Variants in GRK7 observed in about 807,000 individuals in gnomAD.
GRK7 encodes the protein G protein-coupled receptor kinase 7.
GRK7 carries 24 observed loss-of-function variants against 34.1 expected under a neutral mutation model. The ratio of observed to expected loss-of-function variants is 0.70; its 90% CI spans 0.51 to 0.99. The LOEUF (loss-of-function observed/expected upper bound fraction) is 0.99, where lower values mean the gene tolerates loss of function less well. Ranked by LOEUF, GRK7 falls within the 50% of genes least tolerant of loss-of-function variation. The pLI is 0.00. For synonymous variants in GRK7, 256 were observed against 279.4 expected (o/e 0.92, Z 0.84); for missense variants, 644 against 707.3 (o/e 0.91, Z 1.02).
intron 4 of GRK7, 33 bp from the exon 5 acceptor site, chr3:141,807,612 G>T: frequency 1.3e-6 from 2 of 1,597,356 alleles, no homozygotes; most frequent in Non-Finnish European, 1.7e-6. Context: ...TCTTTGTTCT[G>T]TGTTGTCTTG....
At chr3:141,788,872 C>A (rs1413830455) in intron 4 of GRK7, among the ~76,000 whole-genome samples, 1 of 152,148 alleles carries the variant, frequency 6.6e-6, no homozygotes, top group Admixed American at 6.5e-5. Context: ...CTCATTCTGT[C>A]GCCCAGGCTG....
rs1051988672 is a variant in GRK7, at chr3:141,778,379, G to A, written c.95G>A (p.Arg32Gln). 3.1e-6 allele frequency: 5 copies of A among 1,611,410 alleles called. No individual in the cohort carries two copies. The highest frequency in any genetic ancestry group is 4.2e-6 in the Non-Finnish European group (5 of 1,178,720). Residue 32 changes from arginine to glutamine, a missense_variant, in exon 3 of 6, where the codon CGG becomes CAG. Arg to Gln is a conservative substitution (Grantham distance 43, BLOSUM62 1). Coordinates refer to ENST00000682958, the MANE Select transcript of GRK7 (RefSeq NM_139209.3). The surrounding 1 kb of genome is among the most constrained non-coding windows in gnomAD (Gnocchi z 4.1). ...PSDCDSKELQ[R>Q]RRRSLALPGL... is the part of the protein sequence containing the mutation. ...GACTGCGACAGCAAAGAGCTGCAGC[G>A]GCGGCGGCGTAGCCTGGCCCTGCCC...
chr3:141,803,788 C>T (rs903379070), intron 4 of GRK7, among the ~76,000 whole-genome samples: 3 of 152,198 alleles, frequency 2.0e-5, no homozygotes, highest in Admixed American at 2.0e-4. Context: ...ATGGCACCAT[C>T]TCGGCTCACT....
At chr3:141,797,657 C>T (rs1378714427) in intron 4 of GRK7, among the ~76,000 whole-genome samples, 1 of 152,072 alleles carries the variant, frequency 6.6e-6, no homozygotes, top group Non-Finnish European at 1.5e-5. Flanking sequence ...AAGAGGCATC[C>T]GCGGGCGATT....
the GRK7 span, among the ~76,000 whole-genome samples, chr3:141,752,183 C>T: frequency 6.6e-5 from 10 of 152,262 alleles, no homozygotes; most frequent in South Asian, 2.1e-3. Context: ...GACATAGTTT[C>T]CCATTCTTTA....
intron 4 of GRK7, among the ~76,000 whole-genome samples, chr3:141,797,961 G>A (rs943721246): frequency 6.6e-6 from 1 of 152,144 alleles, no homozygotes; most frequent in Admixed American, 6.5e-5. Flanking sequence ...TCCACCAGAA[G>A]CCCCTCCATG....
intron 4 of GRK7, among the ~76,000 whole-genome samples, chr3:141,781,626 A>G (rs753774932): frequency 3.3e-5 from 5 of 152,182 alleles, no homozygotes; most frequent in South Asian, 2.1e-4. Context: ...AGAACATTAA[A>G]AGTAAAATAT....
At chr3:141,766,122 T>C (rs1332842643) in intron 1 of GRK7, among the ~76,000 whole-genome samples, 2 of 149,870 alleles carry the variant, frequency 1.3e-5, no homozygotes, top group African/African-American at 4.9e-5. Flanking sequence ...TAACTCCCTC[T>C]ACCCCACCAG....
the GRK7 span, among the ~76,000 whole-genome samples, chr3:141,754,009 A>C: frequency 6.6e-6 from 1 of 152,226 alleles, no homozygotes; most frequent in Non-Finnish European, 1.5e-5. Context: ...TATGTCTTTG[A>C]TAAAGCCAGG....
intron 3 of GRK7, 40 bp from the exon 4 acceptor site, chr3:141,780,334 C>A: frequency 6.4e-7 from 1 of 1,552,558 alleles, no homozygotes; most frequent in Non-Finnish European, 8.8e-7. Flanking sequence ...GCAGTACCAT[C>A]TACTTCTACC....
chr3:141,760,081 ATT>A (rs1171013063), upstream of GRK7, among the ~76,000 whole-genome samples: 2 of 149,398 alleles, frequency 1.3e-5, no homozygotes, highest in African/African-American at 5.0e-5. Context: ...CGGTCTATCA[ATT>A]TTGTTGATCC....
Position 141,793,227 on chromosome 3 carries a change from C to A in GRK7, c.1050+12416C>A, listed in dbSNP as rs529584833. ...AGAGGTTTGTGGGGACCTCAATTTA[C>A]AGCTGGTGGGTCAGAAGTTTTGAAG... On this transcript the variant is annotated intron_variant, in intron 4 of 5. Coordinates refer to ENST00000682958, the MANE Select transcript of GRK7 (RefSeq NM_139209.3). Among the ~76,000 whole-genome samples the A allele has an allele frequency of 5.3e-5, 8 of 152,334 alleles. No individual in the cohort carries two copies. In the East Asian group the frequency reaches 1.5e-3, roughly 29 times the overall value.
chr3:141,762,353 G>A (rs1174857331), upstream of GRK7, among the ~76,000 whole-genome samples: 2 of 147,918 alleles, frequency 1.4e-5, no homozygotes, highest in Non-Finnish European at 3.0e-5. Context: ...CTCAGCTGCA[G>A]GTCTGTTGGA....
intron 4 of GRK7, among the ~76,000 whole-genome samples, chr3:141,793,680 C>T (rs983103528): frequency 2.0e-5 from 3 of 152,120 alleles, no homozygotes; most frequent in East Asian, 1.9e-4. Flanking sequence ...CAGAAGGGGG[C>T]GGAAGCCTGG....
chr3:141,800,687 A>G (rs1334073534), intron 4 of GRK7, among the ~76,000 whole-genome samples: 2 of 152,204 alleles, frequency 1.3e-5, no homozygotes, highest in Non-Finnish European at 2.9e-5. Context: ...GTCAGACATG[A>G]AAGAATACAT....
chr3:141,813,110 ATC>A lies in GRK7; in HGVS notation c.1326-3602_1326-3601del, dbSNP rs1711110145. On this transcript the variant is annotated intron_variant, in intron 5 of 5. Transcript: ENST00000682958. ...ACCTCAATAATCTGACTTTTAAAAAATCTGTTTGTTCGTTTGTTTGTTTGTTT... is the reference window on the plus strand; with the variant it reads ...ACCTCAATAATCTGACTTTTAAAAAATGTTTGTTCGTTTGTTTGTTTGTTT... Among the ~76,000 whole-genome samples the A allele has an allele frequency of 3.3e-5, 5 of 152,172 alleles. No homozygotes were observed. The South Asian group carries it at 8.3e-4, about 25-fold the overall frequency.
rs1208326800 is a variant in GRK7 at position 141,765,952 on chromosome 3, G to A, written c.-215+214G>A. Among the ~76,000 whole-genome samples the A allele has an allele frequency of 2.0e-5, 3 of 152,242 alleles. No individual in the cohort carries two copies. The East Asian group carries it at 5.8e-4, about 29-fold the overall frequency. ...GGTAAGAGGTGTTTAAGTGTCACCA[G>A]CTGAATCTGGTGTTCCATTTTCTTT... On this transcript the variant is annotated intron_variant, in intron 1 of 5. Coordinates refer to ENST00000682958, the MANE Select transcript of GRK7 (RefSeq NM_139209.3).
rs775724780 is a variant in GRK7, at chr3:141,807,780, GA to G, written c.1190del (p.Lys397ArgfsTer7). On this transcript the variant is annotated frameshift_variant, in exon 5 of 6. Coordinates refer to ENST00000682958, the MANE Select transcript of GRK7 (RefSeq NM_139209.3). LOFTEE classifies it high-confidence loss of function. The stretch of plus-strand genomic sequence containing the variant: ...ACGAACACCATTCAAAGATTACAAG[GA>G]AAAGGTCAGTAAAGAGGATCTGAAG... ...AGRTPFKDYK[E>X]KVSKEDLKQR... is the part of the protein sequence containing the mutation. 6 of 1,614,098 alleles carry G rather than the reference GA, an allele frequency of 3.7e-6. No individual in the cohort carries two copies. Among genetic ancestry groups the G allele is most frequent in the South Asian group, 1.1e-5 (1 of 91,092 alleles).
chr3:141,779,497 C>T (rs1021501715), intron 3 of GRK7, among the ~76,000 whole-genome samples: 1 of 151,788 alleles, frequency 6.6e-6, no homozygotes, highest in African/African-American at 2.4e-5. Context: ...CACTGTTGTG[C>T]CCAGCTTTCT....
Sources: gnomAD v4.1 joint callset for allele counts (sites outside exome capture counted in the v4.1 genomes callset) on GRCh38, gnomAD v4.1.1 for gene constraint, Gnocchi (gnomAD v3.1) non-coding constraint, MANE v1.5 for transcripts, NCBI Gene and HGNC (gene_info 2026-07-23, HGNC 2026-07-21) for gene names.